BABAM2: variants seen among roughly 807,000 people sequenced by gnomAD.
BABAM2 encodes the protein BRISC and BRCA1 A complex member 2.
BABAM2 carries 31 observed loss-of-function variants against 54.7 expected under a neutral mutation model. That is an observed-to-expected ratio of 0.57 (90% CI 0.43 to 0.77). BABAM2 has a LOEUF of 0.77. Among genes scored for constraint, BABAM2 ranks in the 30% least tolerant of loss-of-function variants. BABAM2 has a pLI of 0.00. For synonymous variants in BABAM2, 167 were observed against 162.9 expected (o/e 1.03, Z -0.19); for missense variants, 364 against 455.8 (o/e 0.80, Z 1.83).
At chr2:28,045,945 C>G in intron 6 of BABAM2, 146 bp downstream of exon 6, 2 of 622,856 alleles carry the variant, frequency 3.2e-6, no homozygotes, top group Non-Finnish European at 5.1e-6. Context: ...TTCCATTGAG[C>G]TGTTTTGCTG....
At chr2:28,108,296 A>G (rs528845314) in intron 6 of BABAM2, among the ~76,000 whole-genome samples, 4 of 152,308 alleles carry the variant, frequency 2.6e-5, no homozygotes, top group African/African-American at 9.6e-5. Flanking sequence ...GTCTCATTCA[A>G]GTTGAATCAT....
chr2:27,974,150 C>T (rs996199043), intron 3 of BABAM2, among the ~76,000 whole-genome samples: 6 of 152,132 alleles, frequency 3.9e-5, no homozygotes, highest in Admixed American at 3.3e-4. Context: ...TATGCAGTAT[C>T]ATCCAGAAAT....
At chr2:28,289,681 C>G in intron 10 of BABAM2, among the ~76,000 whole-genome samples, 1 of 152,080 alleles carries the variant, frequency 6.6e-6, no homozygotes, top group East Asian at 1.9e-4. Context: ...GTCCCAGCTA[C>G]TTGGGAGTTT....
chr2:28,239,102 G>A (rs951002855), intron 8 of BABAM2, among the ~76,000 whole-genome samples: 1 of 152,148 alleles, frequency 6.6e-6, no homozygotes, highest in Non-Finnish European at 1.5e-5. Flanking sequence ...ATACAGAACT[G>A]TTTTCATCCC....
At chr2:28,264,237 A>G (rs1182092992) in intron 10 of BABAM2, among the ~76,000 whole-genome samples, 1 of 152,140 alleles carries the variant, frequency 6.6e-6, no homozygotes, top group Admixed American at 6.6e-5. Context: ...GAATGTAAGC[A>G]TGTTCTTTAT....
At chr2:27,968,689 A>C (rs1670995776) in intron 3 of BABAM2, among the ~76,000 whole-genome samples, 2 of 152,228 alleles carry the variant, frequency 1.3e-5, no homozygotes, top group Admixed American at 1.3e-4. Context: ...TGTACCCTGC[A>C]AAGCCACAGG....
chr2:27,932,685 G>A (rs1295708208), intron 3 of BABAM2, among the ~76,000 whole-genome samples: 4 of 152,110 alleles, frequency 2.6e-5, no homozygotes, highest in South Asian at 2.1e-4. Context: ...AGACTATTCC[G>A]TGAGGAGCTT....
intron 6 of BABAM2, among the ~76,000 whole-genome samples, chr2:28,058,857 T>C (rs1353421798): frequency 6.6e-6 from 1 of 152,200 alleles, no homozygotes; most frequent in Non-Finnish European, 1.5e-5. Flanking sequence ...TAATTCACTT[T>C]GAATGTATTT....
chr2:27,943,912 G>C (rs1297148710), intron 3 of BABAM2, among the ~76,000 whole-genome samples: 1 of 152,070 alleles, frequency 6.6e-6, no homozygotes, highest in African/African-American at 2.4e-5. Flanking sequence ...TCTCTCCTTA[G>C]ATATTCAGGA....
chr2:28,186,660 G>A (rs573999715), intron 7 of BABAM2, among the ~76,000 whole-genome samples: 17 of 151,948 alleles, frequency 1.1e-4, no homozygotes, highest in African/African-American at 3.1e-4. Flanking sequence ...GTGAGAGAGA[G>A]GGAAAGGAAA....
At chr2:28,034,596 A>G (rs1187720820) in intron 5 of BABAM2, among the ~76,000 whole-genome samples, 2 of 152,126 alleles carry the variant, frequency 1.3e-5, no homozygotes, top group African/African-American at 2.4e-5. Context: ...AAGTGTAGAG[A>G]GCAAGGTAAA....
chr2:28,180,450 C>T (rs1675498959), intron 7 of BABAM2, among the ~76,000 whole-genome samples: 2 of 151,976 alleles, frequency 1.3e-5, no homozygotes, highest in Non-Finnish European at 2.9e-5. Flanking sequence ...TCTCTTGTCA[C>T]ATACAAAAAT....
intron 2 of BABAM2, among the ~76,000 whole-genome samples, chr2:27,919,277 T>C (rs1667192450): frequency 6.6e-6 from 1 of 152,216 alleles, no homozygotes; most frequent in South Asian, 2.1e-4. Context: ...TACAAAATTT[T>C]CTATGTTCAC....
At chr2:28,111,075 TCTC>T (rs2148726084) in intron 6 of BABAM2, among the ~76,000 whole-genome samples, 1 of 151,730 alleles carries the variant, frequency 6.6e-6, no homozygotes, top group East Asian at 1.9e-4. Context: ...TTCAAGCAGT[TCTC>T]CTGCCTCAGC....
intron 4 of BABAM2, among the ~76,000 whole-genome samples, chr2:28,009,876 C>T (rs1674264644): frequency 6.6e-6 from 1 of 152,134 alleles, no homozygotes; most frequent in African/African-American, 2.4e-5. Flanking sequence ...CACACATTTC[C>T]AGTGTGGCAT....
intron 2 of BABAM2, among the ~76,000 whole-genome samples, chr2:27,921,019 T>A (rs2148330429): frequency 6.6e-6 from 1 of 152,350 alleles, no homozygotes; most frequent in South Asian, 2.1e-4. Flanking sequence ...AAAATTTGCC[T>A]ACTTTTATTT....
At chr2:28,139,845 A>C (rs912217748) in intron 7 of BABAM2, among the ~76,000 whole-genome samples, 2 of 152,188 alleles carry the variant, frequency 1.3e-5, no homozygotes, top group African/African-American at 4.8e-5. Flanking sequence ...GTGATGACTT[A>C]TCTGAGCTAC....
chr2:27,998,763 A>T (rs891843892), intron 4 of BABAM2, among the ~76,000 whole-genome samples: 11 of 152,192 alleles, frequency 7.2e-5, no homozygotes, highest in African/African-American at 2.7e-4. Flanking sequence ...ATAACTTACT[A>T]AAAAAAGCTA....
In BABAM2 at chr2:28,145,944, A is replaced by G. The variant is rs150264106; in HGVS notation, c.680+16564A>G. Among the ~76,000 whole-genome samples, 53 of 152,334 alleles carry G rather than the reference A, an allele frequency of 3.5e-4. 2 individuals are homozygous for G. Among genetic ancestry groups the G allele is most frequent in the African/African-American group, 1.2e-3 (48 of 41,582 alleles). On this transcript the variant is annotated intron_variant, in intron 7 of 11. Coordinates refer to ENST00000379624, the MANE Select transcript of BABAM2 (RefSeq NM_199191.3). ...TTTCATTGTGGAATAATACTCCAGT[A>G]TATCAATATACCACATTTGATTTAT...
Sources: gnomAD v4.1 joint callset for allele counts (sites outside exome capture counted in the v4.1 genomes callset) on GRCh38, gnomAD v4.1.1 for gene constraint, MANE v1.5 for transcripts, NCBI Gene and HGNC (gene_info 2026-07-23, HGNC 2026-07-21) for gene names.